Variants in DPY19L4 observed in about 807,000 individuals in gnomAD.
DPY19L4 encodes the protein probable C-mannosyltransferase DPY19L4.
In DPY19L4, 97 loss-of-function variants were observed where a neutral mutation model predicts 102.8. The ratio of observed to expected loss-of-function variants is 0.94; its 90% confidence interval spans 0.80 to 1.12. DPY19L4 has a LOEUF of 1.12. DPY19L4 is among the 50% of genes most tolerant of loss of function. DPY19L4 has a pLI of 0.00. For missense variants in DPY19L4, 815 were observed against 850.4 expected (o/e 0.96, Z 0.52); for synonymous variants, 252 against 283.1 (o/e 0.89, Z 1.10).
At chr8:94,785,433 T>A (rs1183901906) in intron 17 of DPY19L4, among the ~76,000 whole-genome samples, 3 of 152,148 alleles carry the variant, frequency 2.0e-5, no homozygotes, top group Admixed American at 1.3e-4. Flanking sequence ...GAAGAATGAT[T>A]GGAAACTTGT....
chr8:94,722,871 C>T (rs371126897), intron 1 of DPY19L4, among the ~76,000 whole-genome samples: 1 of 152,162 alleles, frequency 6.6e-6, no homozygotes, highest in South Asian at 2.1e-4. Flanking sequence ...AGTAAATACT[C>T]TGGGAATCTG....
In DPY19L4 at chr8:94,726,334, C is replaced by T. The variant is rs138373475; in HGVS notation, c.20C>T (p.Pro7Leu). 1,716 of 1,597,544 alleles carry T rather than the reference C, an allele frequency of 1.1e-3. 20 individuals are homozygous for T. In the African/African-American group the frequency reaches 0.021, roughly 19 times the overall value. MAEEEG[P>L]PVELRQRKKP... is the part of the protein sequence containing the mutation. Reference sequence around the variant, plus strand: ...ATAATGTCTTAAATATTTTAAGGACCACCTGTAGAGCTGCGCCAAAGAAAA... The same window carrying T: ...ATAATGTCTTAAATATTTTAAGGACTACCTGTAGAGCTGCGCCAAAGAAAA... Residue 7 changes from proline to leucine, a missense_variant, in exon 2 of 19, where the codon CCA (proline) becomes CTA (leucine). Physicochemically the swap from Pro to Leu is moderately conservative, Grantham distance 98. Transcript: ENST00000414645.
chr8:94,743,190 G>C (rs568951623), intron 6 of DPY19L4, among the ~76,000 whole-genome samples: 16 of 151,856 alleles, frequency 1.1e-4, no homozygotes, highest in African/African-American at 3.6e-4. Flanking sequence ...ACCACACCCA[G>C]CTAATTTTTG....
intron 8 of DPY19L4, among the ~76,000 whole-genome samples, chr8:94,764,689 G>GTGTGTGTGTGTGTGTGTGTA (rs1415377058): frequency 2.3e-5 from 1 of 43,212 alleles, no homozygotes; most frequent in African/African-American, 1.1e-4. Flanking sequence ...GTCTGTGTGT[G>GTGTGTGTGTGTGTGTGTGTA]TATATATATA....
At chr8:94,726,274 G>A (rs1475281206) in intron 1 of DPY19L4, 57 bp from the exon 2 acceptor site, 10 of 1,427,430 alleles carry the variant, frequency 7.0e-6, no homozygotes, top group Admixed American at 2.3e-5. Context: ...ATTGGCTCAG[G>A]ATACAGATTA....
intron 6 of DPY19L4, among the ~76,000 whole-genome samples, chr8:94,753,744 C>T (rs1812044170): frequency 6.6e-6 from 1 of 152,052 alleles, no homozygotes; most frequent in Admixed American, 6.6e-5. Context: ...TGGTGGCAGG[C>T]ACCTGTAGTC....
chr8:94,721,682 A>G (rs932861822), intron 1 of DPY19L4, among the ~76,000 whole-genome samples: 1 of 152,258 alleles, frequency 6.6e-6, no homozygotes, highest in Non-Finnish European at 1.5e-5. Context: ...AAAAATCAGT[A>G]CTACAATACT....
chr8:94,751,975 A>G (rs975212791), intron 6 of DPY19L4, among the ~76,000 whole-genome samples: 6 of 152,276 alleles, frequency 3.9e-5, no homozygotes, highest in Non-Finnish European at 8.8e-5. Context: ...ATTACATAGT[A>G]TGGATATATC....
chr8:94,738,641 G>T (rs1479991661), intron 4 of DPY19L4, among the ~76,000 whole-genome samples, 182 bp downstream of exon 4: 8 of 150,840 alleles, frequency 5.3e-5, no homozygotes, highest in Non-Finnish European at 1.2e-4. Flanking sequence ...AGCCTCCCTA[G>T]TAGCTGGGAT....
intron 13 of DPY19L4, among the ~76,000 whole-genome samples, chr8:94,773,410 G>A (rs1813019080): frequency 6.6e-6 from 1 of 152,010 alleles, no homozygotes; most frequent in Non-Finnish European, 1.5e-5. Context: ...TAATAGAATT[G>A]AAGATTATTA....
intron 4 of DPY19L4, 42 bp from the exon 5 acceptor site, chr8:94,739,370 GA>G: frequency 6.6e-7 from 1 of 1,512,008 alleles, no homozygotes; most frequent in Non-Finnish European, 8.8e-7. Flanking sequence ...TAATTACTGT[GA>G]AGCAGAATAA....
chr8:94,743,734 AGT>A (rs1811548651), intron 6 of DPY19L4, among the ~76,000 whole-genome samples: 1 of 152,146 alleles, frequency 6.6e-6, no homozygotes, highest in Non-Finnish European at 1.5e-5. Context: ...GGCTGCGTGC[AGT>A]GGCTCACGCC....
intron 8 of DPY19L4, among the ~76,000 whole-genome samples, chr8:94,764,666 C>CGTGTGTGTGT (rs201694887): frequency 2.6e-5 from 2 of 78,352 alleles, no homozygotes; most frequent in African/African-American, 1.1e-4. Context: ...TGTATGTATG[C>CGTGTGTGTGT]GTGTGTGTGT....
At chr8:94,727,880 G>A (rs1167415800) in intron 2 of DPY19L4, among the ~76,000 whole-genome samples, 3 of 152,110 alleles carry the variant, frequency 2.0e-5, no homozygotes, top group Admixed American at 2.0e-4. Flanking sequence ...GAGAATGGTG[G>A]GAACTCTCCT....
intron 13 of DPY19L4, among the ~76,000 whole-genome samples, chr8:94,772,154 G>A (rs1321245815): frequency 6.6e-6 from 1 of 152,062 alleles, no homozygotes; most frequent in African/African-American, 2.4e-5. Flanking sequence ...TTATTAAAAT[G>A]TATTCATTCT....
chr8:94,726,469 C>A, intron 2 of DPY19L4, 28 bp downstream of exon 2: 2 of 1,538,674 alleles, frequency 1.3e-6, no homozygotes, highest in Non-Finnish European at 1.8e-6. Context: ...GGAATTTGTG[C>A]TACTACAAAA....
intron 5 of DPY19L4, 38 bp downstream of exon 5, chr8:94,739,572 C>G (rs1811345615): frequency 6.3e-7 from 1 of 1,597,836 alleles, no homozygotes; most frequent in Admixed American, 1.8e-5. Flanking sequence ...TTTATTTTCT[C>G]ATGTATTCAT....
At chr8:94,732,956 A>G (rs561745408) in intron 2 of DPY19L4, among the ~76,000 whole-genome samples, 19 of 150,536 alleles carry the variant, frequency 1.3e-4, no homozygotes, top group Non-Finnish European at 2.5e-4. Context: ...GATTACAGGC[A>G]CCCGCCACCA....
chr8:94,733,184 G>A (rs1811045306), intron 2 of DPY19L4, among the ~76,000 whole-genome samples: 1 of 137,594 alleles, frequency 7.3e-6, no homozygotes, highest in Non-Finnish European at 1.5e-5. Context: ...GGAGCGCAGT[G>A]GCATGATCTC....
Sources: gnomAD v4.1 joint callset for allele counts (sites outside exome capture counted in the v4.1 genomes callset) on GRCh38, gnomAD v4.1.1 for gene constraint, MANE v1.5 for transcripts, NCBI Gene and HGNC (gene_info 2026-07-23, HGNC 2026-07-21) for gene names.